TRPM3: variants seen among roughly 807,000 people sequenced by gnomAD.
TRPM3 encodes transient receptor potential cation channel subfamily M member 3.
A neutral mutation model predicts 181.2 loss-of-function variants in TRPM3; 77 were observed. The observed-to-expected ratio is 0.42, with a 90% CI of 0.35 to 0.51. The LOEUF is 0.51. TRPM3 is among the 20% of genes least tolerant of loss of function. The pLI is 0.01. For synonymous variants in TRPM3, 745 were observed against 796.4 expected, an observed-to-expected ratio of 0.94 and a Z score of 1.09; for missense variants, 1,759 against 2,196.7, an observed-to-expected ratio of 0.80 and a Z score of 3.98.
At chr9:71,094,486 T>C (rs548678345) in intron 1 of TRPM3, among the ~76,000 whole-genome samples, 1 of 152,168 alleles carries the variant, frequency 6.6e-6, no homozygotes, top group Non-Finnish European at 1.5e-5. Flanking sequence ...TCTTTTCTAT[T>C]TCTATATGTT....
At chr9:71,203,723 G>A (rs2078941721) in intron 1 of TRPM3, among the ~76,000 whole-genome samples, 1 of 152,078 alleles carries the variant, frequency 6.6e-6, no homozygotes, top group African/African-American at 2.4e-5. Context: ...AATACACATG[G>A]TACTCTGTAC....
intron 1 of TRPM3, among the ~76,000 whole-genome samples, chr9:71,419,128 G>A (rs1215124223): frequency 1.3e-5 from 2 of 151,656 alleles, no homozygotes; most frequent in East Asian, 3.9e-4. Flanking sequence ...GTTTTGCTCA[G>A]CCCACTACTG....
intron 3 of TRPM3, among the ~76,000 whole-genome samples, chr9:70,858,099 A>G (rs1360455116): frequency 6.6e-6 from 1 of 152,166 alleles, no homozygotes; most frequent in Non-Finnish European, 1.5e-5. Flanking sequence ...AGAGTGTCTC[A>G]TATTATGTCC....
At chr9:71,139,289 A>T (rs2074958269) in intron 1 of TRPM3, among the ~76,000 whole-genome samples, 1 of 152,154 alleles carries the variant, frequency 6.6e-6, no homozygotes, top group Non-Finnish European at 1.5e-5. Context: ...GTACTATCTC[A>T]AGAGGTTTTC....
intron 1 of TRPM3, among the ~76,000 whole-genome samples, chr9:71,134,050 T>G (rs2074598398): frequency 6.6e-6 from 1 of 152,094 alleles, no homozygotes; most frequent in Non-Finnish European, 1.5e-5. Context: ...TGTTTGCATC[T>G]CAATCTCTCT....
chr9:71,280,603 G>A (rs1023489001), intron 1 of TRPM3, among the ~76,000 whole-genome samples: 2 of 152,168 alleles, frequency 1.3e-5, no homozygotes, highest in Admixed American at 6.5e-5. Flanking sequence ...AGTCAAATAA[G>A]ATTTTAGCAT....
chr9:71,141,065 T>C (rs940039746), intron 1 of TRPM3, among the ~76,000 whole-genome samples: 4 of 152,226 alleles, frequency 2.6e-5, no homozygotes, highest in African/African-American at 9.6e-5. Context: ...CATTTTTATA[T>C]TTTTATGCTT....
intron 9 of TRPM3, among the ~76,000 whole-genome samples, chr9:70,680,802 T>C (rs937575784): frequency 6.6e-6 from 1 of 152,194 alleles, no homozygotes; most frequent in South Asian, 2.1e-4. Context: ...AAGTGTAATG[T>C]ACTTAGTAAA....
At chr9:71,354,128 G>A (rs138103533) in intron 1 of TRPM3, among the ~76,000 whole-genome samples, 55 of 152,210 alleles carry the variant, frequency 3.6e-4, no homozygotes, top group African/African-American at 1.3e-3. Flanking sequence ...TTCATGTTTT[G>A]CTGACATTTG....
chr9:70,892,610 C>CA (rs5898170), intron 1 of TRPM3, among the ~76,000 whole-genome samples: 45,944 of 121,652 alleles, frequency 0.38, 8,512 homozygotes, highest in African/African-American at 0.55. Flanking sequence ...CGTTTGACCT[C>CA]AAAAAAAAAA....
chr9:71,378,635 C>T (rs1411451455), intron 1 of TRPM3, among the ~76,000 whole-genome samples: 1 of 151,998 alleles, frequency 6.6e-6, no homozygotes. Flanking sequence ...CAGATGCTTC[C>T]TCTTGCTGCC....
chr9:70,951,498 C>T (rs138405980), intron 1 of TRPM3, among the ~76,000 whole-genome samples: 37 of 152,230 alleles, frequency 2.4e-4, no homozygotes, highest in African/African-American at 8.7e-4. Context: ...TGCACAACCA[C>T]ACTCAGCTAA....
chr9:71,300,282 A>G (rs944129671), intron 1 of TRPM3, among the ~76,000 whole-genome samples: 5 of 152,134 alleles, frequency 3.3e-5, no homozygotes, highest in African/African-American at 1.2e-4. Context: ...ATGAATCTGC[A>G]AGCTGGTTTT....
chr9:70,660,675 C>T (rs1339061283), intron 9 of TRPM3, among the ~76,000 whole-genome samples: 1 of 152,018 alleles, frequency 6.6e-6, no homozygotes, highest in Non-Finnish European at 1.5e-5. Flanking sequence ...CACACACAAA[C>T]TAGAAAATCT....
chr9:70,610,492 C>G, intron 19 of TRPM3, 117 bp downstream of exon 19: 1 of 1,288,424 alleles, frequency 7.8e-7, no homozygotes, highest in Admixed American at 2.3e-5. Context: ...GGTCACAGAA[C>G]TTTCACTCCT....
At chr9:70,945,984 C>T (rs1361943956) in intron 1 of TRPM3, among the ~76,000 whole-genome samples, 2 of 152,102 alleles carry the variant, frequency 1.3e-5, no homozygotes, top group Non-Finnish European at 2.9e-5. Flanking sequence ...GGGAGATCTA[C>T]AAGCAGCTTT....
intron 1 of TRPM3, among the ~76,000 whole-genome samples, chr9:71,267,268 C>T (rs970673831): frequency 3.9e-5 from 6 of 152,162 alleles, no homozygotes; most frequent in Non-Finnish European, 7.4e-5. Context: ...TCTTATAACA[C>T]TCTGGAATAT....
intron 1 of TRPM3, among the ~76,000 whole-genome samples, chr9:71,346,789 A>C (rs2091320796): frequency 6.6e-6 from 1 of 152,220 alleles, no homozygotes; most frequent in Non-Finnish European, 1.5e-5. Context: ...GGAACAGAGT[A>C]GGGGTGGGAG....
At position 70,625,196 on chromosome 9, in the gene TRPM3, T is replaced by C; in HGVS notation, c.1804A>G (p.Lys602Glu). The part of the protein sequence containing the change: ...RTLYHNLFGP[K>E]RPKALKLLGM... ...GAATTTGCAGCCAGCCTCACCCTCT[T>C]GGGGCCGAAGAGGTTGTGGTAGAGG... The change falls in exon 14 of 26, where the codon AAG (lysine) becomes GAG (glutamate). Residue 602 changes from lysine (K) to glutamate (E), a missense_variant. Coordinates refer to ENST00000677713, the MANE Select transcript of TRPM3 (RefSeq NM_001366145.2). This position sits in a 1 kb window ranked among gnomAD's most constrained non-coding sequence, Gnocchi z 4.8. The C allele has an allele frequency of 6.2e-7, 1 of 1,614,016 alleles. No homozygotes were observed. Among genetic ancestry groups the C allele is most frequent in the Non-Finnish European group, 8.5e-7 (1 of 1,179,986 alleles).
Sources: gnomAD v4.1 joint callset for allele counts (sites outside exome capture counted in the v4.1 genomes callset) on GRCh38, gnomAD v4.1.1 for gene constraint, Gnocchi (gnomAD v3.1) non-coding constraint, MANE v1.5 for transcripts, NCBI Gene and HGNC (gene_info 2026-07-23, HGNC 2026-07-21) for gene names.